The following SORCS1 variants were observed in gnomAD, a reference collection of about 807,000 sequenced individuals.
SORCS1 encodes VPS10 domain-containing receptor SorCS1.
In SORCS1, 60 loss-of-function variants were observed where a neutral mutation model predicts 146.1. That is an observed-to-expected ratio of 0.41 (90% CI 0.33 to 0.51). SORCS1 has a LOEUF of 0.51. Among genes scored for constraint, SORCS1 ranks in the 20% least tolerant of loss-of-function variants. The probability of loss-of-function intolerance (pLI) is 0.21; values close to 1 mark genes in which losing one functional copy is unlikely to be tolerated. For missense variants in SORCS1, 1,352 were observed against 1,487.6 expected (o/e 0.91, Z 1.50); for synonymous variants, 637 against 584.0 (o/e 1.09, Z -1.31).
intron 1 of SORCS1, among the ~76,000 whole-genome samples, chr10:106,965,972 TA>T (rs1486372452): frequency 3.3e-5 from 5 of 152,218 alleles, no homozygotes; most frequent in Non-Finnish European, 7.3e-5. Flanking sequence ...TTTTAAAATT[TA>T]ATTATTACGT....
At chr10:106,686,895 G>A (rs1383226874) in intron 10 of SORCS1, among the ~76,000 whole-genome samples, 1 of 152,094 alleles carries the variant, frequency 6.6e-6, no homozygotes, top group Non-Finnish European at 1.5e-5. Context: ...AGCTGAGTGC[G>A]GATAACATCA....
chr10:107,176,384 G>C, the SORCS1 span, among the ~76,000 whole-genome samples: 1 of 149,464 alleles, frequency 6.7e-6, no homozygotes, highest in Non-Finnish European at 1.5e-5. Context: ...AGGTTAGAGT[G>C]CAGTGCAGTG....
chr10:107,128,527 T>C (rs1476334186), intron 1 of SORCS1, among the ~76,000 whole-genome samples: 1 of 152,168 alleles, frequency 6.6e-6, no homozygotes, highest in Non-Finnish European at 1.5e-5. Flanking sequence ...GTTTTCTCAT[T>C]TCTAAAATGG....
At chr10:106,731,789 C>A (rs1050732847) in intron 5 of SORCS1, among the ~76,000 whole-genome samples, 3 of 152,026 alleles carry the variant, frequency 2.0e-5, no homozygotes, top group African/African-American at 7.3e-5. Flanking sequence ...CTTCTCTTTA[C>A]ACACTTTATA....
intron 18 of SORCS1, among the ~76,000 whole-genome samples, chr10:106,631,270 C>T (rs1848425804): frequency 6.6e-6 from 1 of 152,156 alleles, no homozygotes; most frequent in African/African-American, 2.4e-5. Context: ...CAGAGAAATT[C>T]CATTCAAAAC....
At chr10:106,852,603 G>A (rs1345955592) in intron 2 of SORCS1, among the ~76,000 whole-genome samples, 1 of 147,692 alleles carries the variant, frequency 6.8e-6, no homozygotes, top group Non-Finnish European at 1.5e-5. Flanking sequence ...ACTCCAGCCT[G>A]GGTGACAGAG....
chr10:106,746,682 C>T lies in SORCS1; in HGVS notation c.959+14906G>A, dbSNP rs115797430. Among the ~76,000 whole-genome samples, 1,084 of 152,294 alleles carry T rather than the reference C, an allele frequency of 7.1e-3. 10 individuals carry two copies. Among genetic ancestry groups the T allele is most frequent in the African/African-American group, 0.023 (945 of 41,552 alleles). ...ATTCATAAGTAGAAAACAATGCTGA[C>T]AGCCAGCGTTCTTATTTATTCTTGG... On this transcript the variant is annotated intron_variant, in intron 5 of 25. Coordinates refer to ENST00000263054, the MANE Select transcript of SORCS1 (RefSeq NM_052918.5).
At chr10:106,833,371 C>G (rs928228002) in intron 2 of SORCS1, among the ~76,000 whole-genome samples, 1 of 152,090 alleles carries the variant, frequency 6.6e-6, no homozygotes, top group Non-Finnish European at 1.5e-5. Flanking sequence ...TACAGATCAG[C>G]GGTTGTCCAA....
chr10:106,920,385 T>C (rs755031691), intron 2 of SORCS1, among the ~76,000 whole-genome samples: 10 of 152,224 alleles, frequency 6.6e-5, no homozygotes, highest in Non-Finnish European at 1.0e-4. Flanking sequence ...TCTTTTGTAA[T>C]AGATAGTCCC....
chr10:107,002,949 C>A (rs1042199842), intron 1 of SORCS1, among the ~76,000 whole-genome samples: 1 of 152,116 alleles, frequency 6.6e-6, no homozygotes, highest in Admixed American at 6.6e-5. Context: ...ACTGGGCCCA[C>A]TCATTACTAT....
At chr10:106,601,924 A>G (rs1259983462) in intron 23 of SORCS1, among the ~76,000 whole-genome samples, 1 of 152,182 alleles carries the variant, frequency 6.6e-6, no homozygotes, top group Non-Finnish European at 1.5e-5. Flanking sequence ...CCTATCATGT[A>G]CCCTGAAAGC....
At chr10:107,152,966 T>G (rs1968948717) in intron 1 of SORCS1, among the ~76,000 whole-genome samples, 1 of 152,154 alleles carries the variant, frequency 6.6e-6, no homozygotes. Flanking sequence ...CTCTCATCTT[T>G]CCTTTTTCTT....
rs1162187575 is a variant in SORCS1, at chr10:107,164,057, T to A, written c.470A>T (p.Glu157Val). Residue 157 changes from glutamate to valine, a missense_variant, in exon 1 of 26, where the codon GAG becomes GTG. Transcript: ENST00000263054. The surrounding 1 kb of genome is among the most constrained non-coding windows in gnomAD (Gnocchi z 6.8). The part of the protein sequence containing the change: ...PDKATRFRME[E>V]LRLTSTTFAL... ...AAACGTGGTGCTGGTCAGTCTCAGCTCCTCCATCCGGAAGCGGGTGGCTTT... is the reference window on the plus strand; with the variant it reads ...AAACGTGGTGCTGGTCAGTCTCAGCACCTCCATCCGGAAGCGGGTGGCTTT... 1 of 1,613,826 alleles carries A rather than the reference T, an allele frequency of 6.2e-7. No individual in the cohort carries two copies. Among genetic ancestry groups the A allele is most frequent in the East Asian group, 2.2e-5 (1 of 44,874 alleles).
At chr10:106,989,053 G>A (rs2139440810) in intron 1 of SORCS1, among the ~76,000 whole-genome samples, 1 of 150,346 alleles carries the variant, frequency 6.7e-6, no homozygotes, top group East Asian at 2.0e-4. Flanking sequence ...AAGGTCAGGA[G>A]TTTGAGACCA....
chr10:106,629,420 G>A, intron 18 of SORCS1, 32 bp from the exon 19 acceptor site: 1 of 1,608,896 alleles, frequency 6.2e-7, no homozygotes, highest in Non-Finnish European at 8.5e-7. Flanking sequence ...GAGGAAATGA[G>A]TTAGTATTCG....
chr10:106,635,202 C>T (rs1038120211), intron 18 of SORCS1, among the ~76,000 whole-genome samples: 5 of 152,178 alleles, frequency 3.3e-5, no homozygotes, highest in Non-Finnish European at 7.3e-5. Context: ...AAACTCCTCA[C>T]GGACAGCCTC....
At chr10:106,774,030 T>C (rs1860239188) in intron 4 of SORCS1, among the ~76,000 whole-genome samples, 1 of 152,138 alleles carries the variant, frequency 6.6e-6, no homozygotes. Context: ...TGATACCAAT[T>C]AGTGATTTTT....
rs571352523 is a variant in SORCS1 at position 107,130,725 on chromosome 10, C to G, written c.558+33244G>C. Among the ~76,000 whole-genome samples, 14 of 151,904 alleles carry G rather than the reference C, an allele frequency of 9.2e-5. No individual in the cohort carries two copies. In the East Asian group the frequency reaches 2.3e-3, roughly 25 times the overall value. On this transcript the variant is annotated intron_variant, in intron 1 of 25. Coordinates refer to ENST00000263054, the MANE Select transcript of SORCS1 (RefSeq NM_052918.5). ...ACTCTGGACCCCAGAGCTCCTTCCT[C>G]GCAGAAAGTTTTCTTTTTTTTTTTT...
At chr10:106,897,458 T>TA (rs201392241) in intron 2 of SORCS1, among the ~76,000 whole-genome samples, 1,580 of 152,026 alleles carry the variant, frequency 0.01, 31 homozygotes, top group African/African-American at 0.036. Flanking sequence ...TGTCCTACAT[T>TA]AAAAAAAAGA....
Sources: allele counts gnomAD v4.1 joint callset (sites outside exome capture counted in the v4.1 genomes callset), GRCh38; gene constraint gnomAD v4.1.1; non-coding constraint Gnocchi (gnomAD v3.1); transcripts MANE v1.5; gene names NCBI Gene and HGNC (gene_info 2026-07-23, HGNC 2026-07-21).